CSMD1: variants seen among roughly 807,000 people sequenced by gnomAD.
CSMD1 encodes the protein CUB and sushi domain-containing protein 1.
CSMD1 carries 213 observed loss-of-function variants against 417.5 expected under a neutral mutation model. The observed-to-expected ratio is 0.51, with a 90% CI of 0.46 to 0.57. CSMD1 has a LOEUF of 0.57. Among genes scored for constraint, CSMD1 ranks in the 20% least tolerant of loss-of-function variants. The pLI is 0.00. For synonymous variants in CSMD1, 2,862 were observed against 1,736.8 expected, an observed-to-expected ratio of 1.65 and a Z score of -16.11; for missense variants, 6,923 against 4,529.7, an observed-to-expected ratio of 1.53 and a Z score of -15.17.
chr8:3,607,687 T>A (rs1409421546), intron 8 of CSMD1, among the ~76,000 whole-genome samples: 1 of 152,146 alleles, frequency 6.6e-6, no homozygotes, highest in Non-Finnish European at 1.5e-5. Flanking sequence ...ATATTCTATT[T>A]ACAAAAAGAA....
At chr8:3,895,836 G>C (rs938940101) in intron 5 of CSMD1, among the ~76,000 whole-genome samples, 7 of 152,106 alleles carry the variant, frequency 4.6e-5, no homozygotes, top group Non-Finnish European at 1.0e-4. Flanking sequence ...CTCTGACCTG[G>C]CTTGTTCCCT....
chr8:4,395,419 TA>T (rs139105329), intron 3 of CSMD1, among the ~76,000 whole-genome samples: 2 of 151,570 alleles, frequency 1.3e-5, no homozygotes, highest in African/African-American at 2.4e-5. Context: ...TAAAGAATCA[TA>T]AAAAAAACAA....
chr8:4,279,265 A>T lies in CSMD1; in HGVS notation c.415+140688T>A, dbSNP rs117599371. Among the ~76,000 whole-genome samples the T allele has an allele frequency of 4.4e-3, 675 of 152,276 alleles. 3 individuals are homozygous for T. Among genetic ancestry groups the T allele is most frequent in the Middle Eastern group, 0.01 (3 of 294 alleles). ...AAGTGTGCAAGCCACATTTTGAAACACTTATATTTAGTGTAAAAAGCCAAC... is the reference window on the plus strand; with the variant it reads ...AAGTGTGCAAGCCACATTTTGAAACTCTTATATTTAGTGTAAAAAGCCAAC... On this transcript the variant is annotated intron_variant, in intron 3 of 69. Coordinates refer to ENST00000635120, the MANE Select transcript of CSMD1 (RefSeq NM_033225.6).
chr8:3,654,890 C>G (rs923964439), intron 7 of CSMD1, among the ~76,000 whole-genome samples: 2 of 152,266 alleles, frequency 1.3e-5, no homozygotes, highest in South Asian at 2.1e-4. Context: ...GACTGGGAGA[C>G]AGGAGCTGGG....
chr8:4,595,431 C>T (rs1317888223), intron 2 of CSMD1, among the ~76,000 whole-genome samples: 1 of 114,538 alleles, frequency 8.7e-6, no homozygotes, highest in Non-Finnish European at 2.0e-5. Flanking sequence ...AATATGCTAA[C>T]AACAATGGAA....
rs532634024 is a variant in CSMD1 at position 3,070,052 on chromosome 8, A to C, written c.7474+17045T>G. On this transcript the variant is annotated intron_variant, in intron 49 of 69. Coordinates refer to ENST00000635120, the MANE Select transcript of CSMD1 (RefSeq NM_033225.6). ...GCACTTGTGATTCAAAGATGGAGCC[A>C]GAACAGCCAGTATGCGGAAAGCAGC... Among the ~76,000 whole-genome samples, 993 of 152,352 alleles carry C rather than the reference A, an allele frequency of 6.5e-3. 10 individuals carry two copies. The highest frequency in any genetic ancestry group is 0.011 in the Non-Finnish European group (779 of 68,024).
At chr8:4,906,273 T>C (rs1260021759) in intron 1 of CSMD1, among the ~76,000 whole-genome samples, 2 of 152,176 alleles carry the variant, frequency 1.3e-5, no homozygotes, top group Non-Finnish European at 2.9e-5. Context: ...CAAGTAAATA[T>C]TAACAAAACA....
intron 3 of CSMD1, among the ~76,000 whole-genome samples, chr8:4,192,174 G>T (rs140325074): frequency 5.3e-5 from 8 of 152,088 alleles, no homozygotes; most frequent in African/African-American, 1.9e-4. Context: ...TGTTATAAAG[G>T]CTCAACAGAT....
At chr8:3,135,143 T>C (rs186062742) in intron 41 of CSMD1, among the ~76,000 whole-genome samples, 12 of 152,302 alleles carry the variant, frequency 7.9e-5, no homozygotes, top group African/African-American at 2.6e-4. Context: ...CTTGAACTCC[T>C]GGCCTTGAGC....
intron 3 of CSMD1, among the ~76,000 whole-genome samples, chr8:4,342,189 G>C (rs1233522149): frequency 1.3e-5 from 2 of 149,216 alleles, no homozygotes; most frequent in African/African-American, 4.9e-5. Flanking sequence ...ATGCAAACTT[G>C]GCAGCAGTGC....
chr8:4,667,085 C>T (rs1009208050), intron 1 of CSMD1, among the ~76,000 whole-genome samples: 7 of 152,114 alleles, frequency 4.6e-5, no homozygotes, highest in Admixed American at 2.0e-4. Context: ...CCAGTTATTA[C>T]AGAATCCTTT....
intron 3 of CSMD1, among the ~76,000 whole-genome samples, chr8:4,081,943 G>A (rs954923352): frequency 8.6e-5 from 13 of 151,928 alleles, no homozygotes; most frequent in African/African-American, 3.1e-4. Context: ...TATTACACTC[G>A]AAAAACCATA....
chr8:4,871,216 GA>G (rs1802719675), intron 1 of CSMD1, among the ~76,000 whole-genome samples: 2 of 152,128 alleles, frequency 1.3e-5, no homozygotes, highest in Non-Finnish European at 2.9e-5. Context: ...TCTAAGAAAG[GA>G]AGTGGGTGGT....
intron 2 of CSMD1, among the ~76,000 whole-genome samples, chr8:4,623,602 T>C (rs190868521): frequency 6.6e-6 from 1 of 152,194 alleles, no homozygotes; most frequent in Admixed American, 6.5e-5. Context: ...ATTAGAGTGA[T>C]AAACTAAATG....
In CSMD1 at chr8:3,799,163, GTATT is replaced by G. The variant is rs376442875; in HGVS notation, c.819-45125_819-45122del. Among the ~76,000 whole-genome samples, 286 of 151,956 alleles carry G rather than the reference GTATT, an allele frequency of 1.9e-3. 1 individual carries two copies. Among genetic ancestry groups the G allele is most frequent in the Non-Finnish European group, 3.0e-3 (207 of 67,940 alleles). On this transcript the variant is annotated intron_variant, in intron 5 of 69. Transcript: ENST00000635120. ...ACACTTCAATAAAAAGTTTTATAAT[GTATT>G]TATTTGACTATCATAAGAAAAAGAG...
chr8:4,379,211 A>G (rs1802944207), intron 3 of CSMD1, among the ~76,000 whole-genome samples: 1 of 152,226 alleles, frequency 6.6e-6, no homozygotes, highest in Non-Finnish European at 1.5e-5. Flanking sequence ...TCATAAATTC[A>G]ACCAAATTAT....
At chr8:4,286,926 A>G (rs1172602683) in intron 3 of CSMD1, among the ~76,000 whole-genome samples, 1 of 152,174 alleles carries the variant, frequency 6.6e-6, no homozygotes, top group African/African-American at 2.4e-5. Context: ...CAGTTTTGTT[A>G]TTGGATAGGA....
chr8:4,494,088 C>T (rs1321419467), intron 2 of CSMD1, among the ~76,000 whole-genome samples: 1 of 152,144 alleles, frequency 6.6e-6, no homozygotes, highest in Non-Finnish European at 1.5e-5. Flanking sequence ...CAACACAAGG[C>T]TTCCAAAGGG....
chr8:3,338,519 G>C (rs1258511120), intron 23 of CSMD1, among the ~76,000 whole-genome samples: 1 of 152,188 alleles, frequency 6.6e-6, no homozygotes, highest in East Asian at 1.9e-4. Context: ...ATCTGGTTGT[G>C]GGGCAGGATG....
Sources: allele counts gnomAD v4.1 joint callset (sites outside exome capture counted in the v4.1 genomes callset), GRCh38; gene constraint gnomAD v4.1.1; transcripts MANE v1.5; gene names NCBI Gene and HGNC (gene_info 2026-07-23, HGNC 2026-07-21).